PMFBP1: variants seen among roughly 807,000 people sequenced by gnomAD.
PMFBP1 encodes the protein polyamine-modulated factor 1-binding protein 1.
In PMFBP1, 131 loss-of-function variants were observed where a neutral mutation model predicts 137.8. The observed-to-expected ratio is 0.95, with a 90% CI of 0.82 to 1.10. PMFBP1 has a LOEUF of 1.10. Ranked by LOEUF, PMFBP1 falls within the 50% of genes least tolerant of loss-of-function variation. The pLI, the probability that PMFBP1 is intolerant of heterozygous loss-of-function variation, is 0.00. For missense variants in PMFBP1, 1,199 were observed against 1,175.4 expected, an observed-to-expected ratio of 1.02 and a Z score of -0.29; for synonymous variants, 490 against 450.4, an observed-to-expected ratio of 1.09 and a Z score of -1.11.
downstream of PMFBP1, among the ~76,000 whole-genome samples, chr16:72,118,617 T>G (rs779195297): frequency 6.6e-5 from 10 of 152,246 alleles, no homozygotes; most frequent in Non-Finnish European, 1.5e-4. Context: ...ATTCTAGACA[T>G]GTACTCAGTT....
intron 6 of PMFBP1, 40 bp downstream of exon 6, chr16:72,140,372 G>A (rs762619299): frequency 1.3e-6 from 2 of 1,556,616 alleles, no homozygotes. Context: ...TGTCTTGATT[G>A]AGGGTCTCCC....
At chr16:72,161,947 G>A (rs2144488641) in intron 3 of PMFBP1, among the ~76,000 whole-genome samples, 1 of 152,168 alleles carries the variant, frequency 6.6e-6, no homozygotes, top group East Asian at 1.9e-4. Flanking sequence ...GCCTTATATA[G>A]TTTTATGCTA....
chr16:72,199,637 G>C, the PMFBP1 span, among the ~76,000 whole-genome samples: 1 of 122,482 alleles, frequency 8.2e-6, no homozygotes, highest in Non-Finnish European at 1.6e-5. Context: ...CTGGAAGACA[G>C]AGCAAGACTC....
chr16:72,149,660 T>C (rs1387562421), intron 5 of PMFBP1, among the ~76,000 whole-genome samples: 3 of 151,988 alleles, frequency 2.0e-5, no homozygotes, highest in Non-Finnish European at 4.4e-5. Flanking sequence ...ATGTCTCTAC[T>C]AAAAACACAA....
At chr16:72,147,288 T>G (rs994920130) in intron 5 of PMFBP1, among the ~76,000 whole-genome samples, 5 of 152,322 alleles carry the variant, frequency 3.3e-5, no homozygotes, top group African/African-American at 1.2e-4. Flanking sequence ...ATTCCCTATT[T>G]AATAAATGGT....
the PMFBP1 span, among the ~76,000 whole-genome samples, chr16:72,184,381 C>G: frequency 1.3e-5 from 2 of 152,200 alleles, no homozygotes; most frequent in African/African-American, 4.8e-5. Context: ...TCAATCTCTC[C>G]AACACTAAAT....
Position 72,122,991 on chromosome 16 carries a change from G to C in PMFBP1, c.2694-3C>G. On this transcript the variant is annotated splice_polypyrimidine_tract_variant and splice_region_variant and intron_variant, in intron 18 of 20. Coordinates refer to ENST00000237353, the MANE Select transcript of PMFBP1 (RefSeq NM_031293.3). ...TTCCTAGTTTCTCATTGGCGACCCT[G>C]TAATAAAATCACAGGAGAAAACAGC... The C allele has an allele frequency of 6.2e-7, 1 of 1,612,092 alleles. No homozygotes were observed. The highest frequency in any genetic ancestry group is 8.5e-7 in the Non-Finnish European group (1 of 1,179,594).
chr16:72,135,359 GT>G (rs869071984), intron 9 of PMFBP1, among the ~76,000 whole-genome samples: 1,545 of 131,498 alleles, frequency 0.012, 65 homozygotes, highest in East Asian at 0.089. Flanking sequence ...GTGTGTGTGT[GT>G]TTTTTTTTTT....
At chr16:72,185,796 C>CAG in the PMFBP1 span, among the ~76,000 whole-genome samples, 2 of 152,140 alleles carry the variant, frequency 1.3e-5, no homozygotes, top group Non-Finnish European at 1.5e-5. Context: ...AACTAATTTG[C>CAG]AGTAAGAGAT....
chr16:72,155,461 C>A (rs868295049), intron 3 of PMFBP1, among the ~76,000 whole-genome samples: 1 of 152,224 alleles, frequency 6.6e-6, no homozygotes, highest in Non-Finnish European at 1.5e-5. Flanking sequence ...GTAATTATTT[C>A]TGTGCATTTT....
At chr16:72,125,086 T>C in intron 16 of PMFBP1, 152 bp from the exon 17 acceptor site, 1 of 1,376,132 alleles carries the variant, frequency 7.3e-7, no homozygotes, top group African/African-American at 1.5e-5. Context: ...GCTCCGATCT[T>C]TGCTGCCTCT....
At chr16:72,140,928 C>CTTTTTTTTTTTTTTTTTTT (rs35908141) in intron 5 of PMFBP1, among the ~76,000 whole-genome samples, 2 of 69,786 alleles carry the variant, frequency 2.9e-5, no homozygotes, top group Admixed American at 2.0e-4. Flanking sequence ...ACAAATGAGT[C>CTTTTTTTTTTTTTTTTTTT]TTTTTTTTTT....
At chr16:72,215,997 A>G in the PMFBP1 span, among the ~76,000 whole-genome samples, 1 of 152,224 alleles carries the variant, frequency 6.6e-6, no homozygotes, top group South Asian at 2.1e-4. Flanking sequence ...CTACACTACC[A>G]AAGCACATAT....
At chr16:72,175,007 C>T (rs1488899422), upstream of PMFBP1, among the ~76,000 whole-genome samples, 2 of 152,210 alleles carry the variant, frequency 1.3e-5, no homozygotes, top group Non-Finnish European at 2.9e-5. Context: ...CACATGCACA[C>T]ACATACCACA....
At chr16:72,237,783 C>A in the PMFBP1 span, among the ~76,000 whole-genome samples, 1 of 151,978 alleles carries the variant, frequency 6.6e-6, no homozygotes, top group Non-Finnish European at 1.5e-5. Context: ...TTTTCCTGAT[C>A]CTCTCCCTCC....
rs917291894 is a variant in PMFBP1 at position 72,159,819 on chromosome 16, T to G, written c.165+4945A>C. Among the ~76,000 whole-genome samples, 30 of 151,636 alleles carry G rather than the reference T, an allele frequency of 2.0e-4. 2 individuals carry two copies. The highest frequency in any genetic ancestry group is 1.0e-3 in the Admixed American group (16 of 15,254). ...TGTCTTTTTTTTTTTTTTAAAACAT[T>G]CTTCCTAATGAAGACACAGATATTT... On this transcript the variant is annotated intron_variant, in intron 3 of 20. Transcript: ENST00000237353.
chr16:72,170,684 G>A (rs773288335), intron 2 of PMFBP1, among the ~76,000 whole-genome samples: 33 of 152,076 alleles, frequency 2.2e-4, no homozygotes, highest in Admixed American at 4.6e-4. Context: ...CTCCTGCCTC[G>A]GCCTCCCAAA....
the PMFBP1 span, among the ~76,000 whole-genome samples, chr16:72,198,827 C>G: frequency 7.4e-6 from 1 of 135,904 alleles, no homozygotes; most frequent in Admixed American, 8.2e-5. Flanking sequence ...CCCACCCCAA[C>G]CAGGAGAGCA....
the PMFBP1 span, among the ~76,000 whole-genome samples, chr16:72,235,202 T>A: frequency 6.6e-6 from 1 of 152,110 alleles, no homozygotes; most frequent in Admixed American, 6.6e-5. Context: ...CGATTTTGAG[T>A]TAATTTTTGT....
Sources: allele counts gnomAD v4.1 joint callset (sites outside exome capture counted in the v4.1 genomes callset), GRCh38; gene constraint gnomAD v4.1.1; transcripts MANE v1.5; gene names NCBI Gene and HGNC (gene_info 2026-07-23, HGNC 2026-07-21).